Variants in DNM3 observed in about 807,000 individuals in gnomAD.
The protein encoded by DNM3 is dynamin 3.
DNM3 carries 47 observed loss-of-function variants against 101.6 expected under a neutral mutation model. The observed-to-expected ratio is 0.46, with a 90% CI of 0.37 to 0.59. The LOEUF (loss-of-function observed/expected upper bound fraction) is 0.59. Among genes scored for constraint, DNM3 ranks in the 20% least tolerant of loss-of-function variants. DNM3 has a pLI of 0.00. For missense variants in DNM3, 849 were observed against 1,085.7 expected (o/e 0.78, Z 3.06); for synonymous variants, 385 against 387.9 (o/e 0.99, Z 0.09).
intron 2 of DNM3, among the ~76,000 whole-genome samples, chr1:171,968,849 G>T (rs2043789139): frequency 6.6e-6 from 1 of 152,140 alleles, no homozygotes; most frequent in Non-Finnish European, 1.5e-5. Flanking sequence ...ATGAGTGATT[G>T]CTATATAAAG....
chr1:172,083,186 C>T (rs190488820), intron 12 of DNM3, among the ~76,000 whole-genome samples: 76 of 152,276 alleles, frequency 5.0e-4, no homozygotes, highest in African/African-American at 1.8e-3. Flanking sequence ...ACATCCTTAT[C>T]CCTAGGTCCA....
intron 17 of DNM3, among the ~76,000 whole-genome samples, chr1:172,333,449 G>A (rs1322680444): frequency 6.6e-6 from 1 of 152,078 alleles, no homozygotes; most frequent in African/African-American, 2.4e-5. Flanking sequence ...CTGAATAGAT[G>A]GAGCAGGCAG....
intron 15 of DNM3, among the ~76,000 whole-genome samples, chr1:172,265,916 C>A (rs2148728261): frequency 6.6e-6 from 1 of 152,210 alleles, no homozygotes; most frequent in East Asian, 1.9e-4. Flanking sequence ...ATAAGGCATT[C>A]TTTCTACTTT....
At chr1:172,388,849 G>T in intron 20 of DNM3, 40 bp downstream of exon 20, 2 of 1,452,636 alleles carry the variant, frequency 1.4e-6, no homozygotes, top group Non-Finnish European at 1.9e-6. Context: ...AGTGCGCCTT[G>T]GTTCTCTTCT....
intron 12 of DNM3, among the ~76,000 whole-genome samples, chr1:172,085,048 T>C (rs1037996163): frequency 6.6e-6 from 1 of 152,132 alleles, no homozygotes; most frequent in African/African-American, 2.4e-5. Context: ...TTCTAGTTAT[T>C]TGTTAGACAT....
chr1:171,881,628 G>A (rs1180371899), intron 1 of DNM3, among the ~76,000 whole-genome samples: 2 of 152,166 alleles, frequency 1.3e-5, no homozygotes, highest in African/African-American at 4.8e-5. Context: ...AAGGTCATGG[G>A]TAAAATATAA....
chr1:171,849,954 G>T (rs960743096), intron 1 of DNM3, among the ~76,000 whole-genome samples: 2 of 152,146 alleles, frequency 1.3e-5, no homozygotes, highest in African/African-American at 4.8e-5. Context: ...TTCTCCTAGA[G>T]AATATATTTT....
At chr1:172,414,458 A>G (rs74126215), downstream of DNM3, among the ~76,000 whole-genome samples, 1,183 of 152,352 alleles carry the variant, frequency 7.8e-3, 15 homozygotes, top group African/African-American at 0.026. Context: ...AAACCTTAAA[A>G]TCAGACTGCA....
chr1:171,866,248 G>A (rs1163267137), intron 1 of DNM3, among the ~76,000 whole-genome samples: 1 of 148,540 alleles, frequency 6.7e-6, no homozygotes. Context: ...TACTCTAATC[G>A]CTCCCTTTCC....
intron 15 of DNM3, among the ~76,000 whole-genome samples, chr1:172,292,002 A>T (rs938793865): frequency 6.6e-6 from 1 of 152,208 alleles, no homozygotes. Context: ...TAATAATGCT[A>T]AACAAAATTT....
intron 15 of DNM3, among the ~76,000 whole-genome samples, chr1:172,270,343 C>T (rs1288363225): frequency 6.6e-6 from 1 of 151,176 alleles, no homozygotes; most frequent in Admixed American, 6.6e-5. Flanking sequence ...CAATCATGCA[C>T]TCAAGATATT....
At chr1:171,976,455 C>G (rs534099746) in intron 2 of DNM3, among the ~76,000 whole-genome samples, 5 of 152,178 alleles carry the variant, frequency 3.3e-5, no homozygotes, top group Non-Finnish European at 7.3e-5. Context: ...GGGGAACTCC[C>G]TTTTATAAAA....
chr1:172,206,484 A>G (rs2060326660), intron 14 of DNM3, among the ~76,000 whole-genome samples: 1 of 152,138 alleles, frequency 6.6e-6, no homozygotes, highest in African/African-American at 2.4e-5. Flanking sequence ...TTAAAAATTA[A>G]TAATTTTTAC....
At chr1:172,109,896 C>A (rs1012108086) in intron 13 of DNM3, among the ~76,000 whole-genome samples, 1 of 152,126 alleles carries the variant, frequency 6.6e-6, no homozygotes, top group African/African-American at 2.4e-5. Context: ...TAATTAAAAT[C>A]CACAAATAAT....
intron 15 of DNM3, among the ~76,000 whole-genome samples, chr1:172,256,498 C>A (rs570470297): frequency 6.6e-6 from 1 of 151,968 alleles, no homozygotes; most frequent in East Asian, 1.9e-4. Flanking sequence ...CCAACTATTT[C>A]TTAATATTTT....
chr1:172,260,872 T>C (rs1269836629), intron 15 of DNM3, among the ~76,000 whole-genome samples: 1 of 152,126 alleles, frequency 6.6e-6, no homozygotes, highest in East Asian at 1.9e-4. Context: ...TGTGTCTCTC[T>C]GAGCTTCTTT....
chr1:172,079,534 G>A (rs1163864370), intron 11 of DNM3, among the ~76,000 whole-genome samples: 1 of 151,978 alleles, frequency 6.6e-6, no homozygotes, highest in Non-Finnish European at 1.5e-5. Context: ...ATTTTTTCAA[G>A]GTTCTTAGCT....
At chr1:172,233,356 T>C (rs1361556306) in intron 14 of DNM3, among the ~76,000 whole-genome samples, 1 of 152,168 alleles carries the variant, frequency 6.6e-6, no homozygotes, top group East Asian at 1.9e-4. Context: ...GTTGAATCTC[T>C]GAATAGACCA....
chr1:172,169,282 G>C (rs2058862879), intron 14 of DNM3, among the ~76,000 whole-genome samples: 1 of 151,782 alleles, frequency 6.6e-6, no homozygotes. Flanking sequence ...GCTTGAATGG[G>C]TCAAATACTC....
Sources: gnomAD v4.1 joint callset for allele counts (sites outside exome capture counted in the v4.1 genomes callset) on GRCh38, gnomAD v4.1.1 for gene constraint, MANE v1.5 for transcripts, NCBI Gene and HGNC (gene_info 2026-07-23, HGNC 2026-07-21) for gene names.